SNX25: variants seen among roughly 807,000 people sequenced by gnomAD.
SNX25 encodes the protein sorting nexin 25.
SNX25 carries 62 observed loss-of-function variants against 113.7 expected under a neutral mutation model. That is an observed-to-expected ratio of 0.55 (90% confidence interval 0.44 to 0.67). SNX25 has a LOEUF of 0.67. Ranked by LOEUF, SNX25 falls within the 30% of genes least tolerant of loss-of-function variation. The pLI is 0.00. For synonymous variants in SNX25, 421 were observed against 436.2 expected, an observed-to-expected ratio of 0.97 and a Z score of 0.43; for missense variants, 1,014 against 1,161.0, an observed-to-expected ratio of 0.87 and a Z score of 1.84.
At chr4:185,282,520 C>T (rs1750753693) in intron 5 of SNX25, among the ~76,000 whole-genome samples, 1 of 152,154 alleles carries the variant, frequency 6.6e-6, no homozygotes, top group South Asian at 2.1e-4. Flanking sequence ...CGTAGCATTT[C>T]AGTGAGTTTG....
intron 11 of SNX25, among the ~76,000 whole-genome samples, chr4:185,341,177 A>G (rs2095258049): frequency 6.6e-6 from 1 of 152,268 alleles, no homozygotes; most frequent in Admixed American, 6.5e-5. Flanking sequence ...TATGTTAAGT[A>G]TAGTAGTGGC....
chr4:185,377,197 C>T, the SNX25 span: 1 of 598,242 alleles, frequency 1.7e-6, no homozygotes, highest in South Asian at 1.9e-5. Flanking sequence ...GTCATGGTCA[C>T]AGGCCCTAAC....
In SNX25 at chr4:185,232,239, T is replaced by G. The variant is rs928863845; in HGVS notation, c.430-15055T>G. On this transcript the variant is annotated intron_variant, in intron 1 of 18. Transcript: ENST00000652585. This position sits in a 1 kb window ranked among gnomAD's most constrained non-coding sequence, Gnocchi z 4.4. ...CACCTGGGACAGTTACAGCAGGTAATTTATCTCCTAGCACACAAGTCCCCT... is the reference window on the plus strand; with the variant it reads ...CACCTGGGACAGTTACAGCAGGTAAGTTATCTCCTAGCACACAAGTCCCCT... Among the ~76,000 whole-genome samples the G allele has an allele frequency of 6.6e-6, 1 of 152,100 alleles. No individual in the cohort carries two copies.
Position 185,264,470 on chromosome 4 carries a change from A to G in SNX25, c.764A>G (p.His255Arg). The G allele has an allele frequency of 6.2e-7, 1 of 1,613,526 alleles. No homozygotes were observed. Among genetic ancestry groups the G allele is most frequent in the Non-Finnish European group, 8.5e-7 (1 of 1,179,924 alleles). ...HEEQPRPFVL[H>R]ACLRNSDDEV... Reference sequence around the variant, plus strand: ...GAACAGCCAAGACCTTTTGTGTTGCACGCATGCTTGAGGAACTCAGATGAT... The same window carrying G: ...GAACAGCCAAGACCTTTTGTGTTGCGCGCATGCTTGAGGAACTCAGATGAT... The change falls in exon 4 of 19, where the codon CAC (histidine) becomes CGC (arginine). Residue 255 changes from histidine to arginine, a missense_variant. Transcript: ENST00000652585.
In SNX25 at chr4:185,351,389, C is replaced by T. The variant is rs140601005; in HGVS notation, c.2302-56C>T. On this transcript the variant is annotated intron_variant, in intron 13 of 18. Transcript: ENST00000652585. ...GCCTCGCTCACCTTTACTTGTAGCT[C>T]CCAGCCACACAGATAGTTTCCCACA... is the stretch of plus-strand genomic sequence containing the variant. The T allele has an allele frequency of 9.4e-4, 1,461 of 1,561,692 alleles. 10 individuals carry two copies. The African/African-American group carries it at 0.017, about 18-fold the overall frequency.
chr4:185,292,774 T>C (rs1192299211), intron 6 of SNX25, among the ~76,000 whole-genome samples: 1 of 152,064 alleles, frequency 6.6e-6, no homozygotes, highest in African/African-American at 2.4e-5. Context: ...TTTTTAAAAA[T>C]TATCCAGGTG....
At chr4:185,272,188 A>G (rs774430645) in intron 5 of SNX25, among the ~76,000 whole-genome samples, 45 of 152,314 alleles carry the variant, frequency 3.0e-4, no homozygotes, top group Non-Finnish European at 1.9e-4. Context: ...TTGGTTCCGG[A>G]TATTAAAGGG....
chr4:185,372,814 G>A (rs759287842), downstream of SNX25: 6 of 1,473,072 alleles, frequency 4.1e-6, no homozygotes, highest in South Asian at 2.5e-5. Context: ...CCTAGTGTGT[G>A]ATATTCTGTT....
intron 3 of SNX25, among the ~76,000 whole-genome samples, chr4:185,262,455 GT>G (rs1291515966): frequency 6.6e-6 from 1 of 152,184 alleles, no homozygotes; most frequent in Non-Finnish European, 1.5e-5. Flanking sequence ...AAAAAAGAAT[GT>G]TTTTATTCGT....
downstream of SNX25, chr4:185,365,570 G>A (rs2095384241): frequency 6.6e-6 from 1 of 151,502 alleles, no homozygotes; most frequent in East Asian, 1.9e-4. Flanking sequence ...TGGCCAGCCT[G>A]GTCTCAAACT....
At chr4:185,252,475 G>A (rs1188016839) in intron 2 of SNX25, among the ~76,000 whole-genome samples, 3 of 152,004 alleles carry the variant, frequency 2.0e-5, no homozygotes, top group African/African-American at 7.2e-5. Context: ...ATTTGAGTTC[G>A]GTTATACTAA....
intron 3 of SNX25, among the ~76,000 whole-genome samples, chr4:185,260,892 AC>A (rs1747204812): frequency 6.6e-6 from 1 of 152,160 alleles, no homozygotes; most frequent in South Asian, 2.1e-4. Flanking sequence ...CTCCTGAGTT[AC>A]CTCCTAGAAT....
At chr4:185,226,140 C>T (rs1301644482) in intron 1 of SNX25, among the ~76,000 whole-genome samples, 2 of 152,074 alleles carry the variant, frequency 1.3e-5, no homozygotes, top group Non-Finnish European at 1.5e-5. Flanking sequence ...TCCAGGCAGC[C>T]GCTGAAAATT....
downstream of SNX25, among the ~76,000 whole-genome samples, chr4:185,367,493 T>G (rs918118299): frequency 6.6e-6 from 1 of 152,190 alleles, no homozygotes; most frequent in Non-Finnish European, 1.5e-5. Context: ...AAAGGGAACT[T>G]AAGCACCAAT....
chr4:185,209,152 C>T (rs1030227497), upstream of SNX25, among the ~76,000 whole-genome samples: 2 of 152,326 alleles, frequency 1.3e-5, no homozygotes, highest in Admixed American at 6.5e-5. The surrounding 1 kb of genome is among the most constrained non-coding windows in gnomAD (Gnocchi z 5.2). Flanking sequence ...GATTCCTTCC[C>T]TAAGGCGGCA....
Position 185,342,064 on chromosome 4 carries a change from C to G in SNX25, c.2135C>G (p.Thr712Arg). The stretch of plus-strand genomic sequence containing the variant: ...GGAGGAGTTGAAACTAAGAACTGGA[C>G]GGTCCCCAGAAGGCTCAGCGAGTTT... ...EVGGVETKNW[T>R]VPRRLSEFQN... The change falls in exon 12 of 19, where the codon ACG (threonine) becomes AGG (arginine). Residue 712 changes from threonine to arginine, a missense_variant. Transcript: ENST00000652585. 6.2e-7 allele frequency: 1 copy of G among 1,608,928 alleles called. No individual in the cohort carries two copies. The highest frequency in any genetic ancestry group is 8.5e-7 in the Non-Finnish European group (1 of 1,177,712).
At chr4:185,234,150 G>A (rs1742271992) in intron 1 of SNX25, among the ~76,000 whole-genome samples, 1 of 152,072 alleles carries the variant, frequency 6.6e-6, no homozygotes, top group Non-Finnish European at 1.5e-5. Flanking sequence ...GAGCCACCAT[G>A]CCCAAAAACA....
chr4:185,231,346 G>A (rs1023590449), intron 1 of SNX25, among the ~76,000 whole-genome samples: 1 of 151,376 alleles, frequency 6.6e-6, no homozygotes, highest in Non-Finnish European at 1.5e-5. Flanking sequence ...TGATCCACCC[G>A]CCTCGGCCTC....
At chr4:185,303,910 C>A (rs1021423643) in intron 6 of SNX25, among the ~76,000 whole-genome samples, 2 of 152,112 alleles carry the variant, frequency 1.3e-5, no homozygotes, top group African/African-American at 2.4e-5. Flanking sequence ...AAAGGACATA[C>A]CAGCCTCAGG....
Sources: allele counts gnomAD v4.1 joint callset (sites outside exome capture counted in the v4.1 genomes callset), GRCh38; gene constraint gnomAD v4.1.1; non-coding constraint Gnocchi (gnomAD v3.1); transcripts MANE v1.5; gene names NCBI Gene and HGNC (gene_info 2026-07-23, HGNC 2026-07-21).